Variants in TSPAN10 observed in about 807,000 individuals in gnomAD.
TSPAN10 encodes tetraspanin-10.
In TSPAN10, 11 loss-of-function variants were observed where a neutral mutation model predicts 15.0. The observed-to-expected ratio is 0.73, with a 90% CI of 0.46 to 1.21. The LOEUF is 1.21. Ranked by LOEUF, TSPAN10 falls within the 50% of genes most tolerant of loss-of-function variation. The probability of loss-of-function intolerance (pLI) is 0.00; values close to 1 mark genes in which losing one functional copy is unlikely to be tolerated. For synonymous variants in TSPAN10, 241 were observed against 226.2 expected (o/e 1.07, Z -0.59); for missense variants, 486 against 470.6 (o/e 1.03, Z -0.30).
chr17:81,641,080 G>T (rs1298713040), upstream of TSPAN10, among the ~76,000 whole-genome samples: 2 of 151,356 alleles, frequency 1.3e-5, no homozygotes, highest in Admixed American at 1.3e-4. Context: ...CAGGAGCATC[G>T]CTTGAACCCA....
chr17:81,637,233 G>C, exon 1 of TSPAN10: 1 of 491,352 alleles, frequency 2.0e-6, no homozygotes, highest in East Asian at 3.3e-5. Flanking sequence ...GGGGATTTTG[G>C]AAAGTTGCGT....
Position 81,648,181 on chromosome 17 carries a change from C to T in TSPAN10, c.955C>T (p.Leu319Phe), listed in dbSNP as rs1207278171. 4.9e-6 allele frequency: 7 copies of T among 1,425,130 alleles called. No homozygotes were observed. In the South Asian group the frequency reaches 9.0e-5, roughly 18 times the overall value. 88.3% of individuals were successfully genotyped at this position (1,425,130 alleles called of 1,614,324 possible). A position where few individuals can be genotyped will look rare whatever the true frequency, so the allele number is the denominator to read the frequency against. Residue 319 changes from leucine (L) to phenylalanine (F), a missense_variant, in exon 3 of 3, where the codon CTC becomes TTC. Leu to Phe is a conservative substitution (Grantham distance 22, BLOSUM62 0). Transcript: ENST00000611590. ...GCTGGCCGCCCGGCTACTCGGGGCC[C>T]TCGCTGCCCGCAGGGGGGCGGCGTA...
upstream of TSPAN10, chr17:81,638,124 A>G (rs980728741): frequency 7.9e-5 from 12 of 152,078 alleles, no homozygotes; most frequent in African/African-American, 2.9e-4. Context: ...TCAGGGTGCC[A>G]CTGTAACTAC....
intron 2 of TSPAN10, chr17:81,645,830 T>C: frequency 1.4e-6 from 1 of 691,174 alleles, no homozygotes; most frequent in Non-Finnish European, 2.5e-6. Flanking sequence ...GACACACACC[T>C]ACACACTCCT....
upstream of TSPAN10, among the ~76,000 whole-genome samples, chr17:81,642,009 G>A (rs1010834605): frequency 6.6e-6 from 1 of 152,140 alleles, no homozygotes; most frequent in Non-Finnish European, 1.5e-5. Flanking sequence ...CAATTTACCA[G>A]GGTCTGATTC....
exon 2 of TSPAN10, chr17:81,645,219 C>A (rs765750575): frequency 6.5e-7 from 1 of 1,541,534 alleles, no homozygotes; most frequent in South Asian, 1.3e-5. Context: ...TCCCCTTCTC[C>A]CTGCTGGGGC....
At chr17:81,637,472 T>C, upstream of TSPAN10, 1 of 681,692 alleles carries the variant, frequency 1.5e-6, no homozygotes, top group Non-Finnish European at 2.7e-6. Flanking sequence ...TAAGTATTTT[T>C]TAAATTTAAC....
At chr17:81,642,659 T>A (rs2036190020) in intron 1 of TSPAN10, among the ~76,000 whole-genome samples, 1 of 152,146 alleles carries the variant, frequency 6.6e-6, no homozygotes, top group Non-Finnish European at 1.5e-5. Flanking sequence ...TGGCCTCTGG[T>A]CAAGGGATCT....
intron 2 of TSPAN10, 69 bp from the exon 4 acceptor site, chr17:81,647,832 C>T: frequency 2.0e-6 from 3 of 1,525,886 alleles, no homozygotes; most frequent in Non-Finnish European, 2.6e-6. Context: ...AGGCGACATT[C>T]GCCTCTGTGC....
chr17:81,637,222 A>C (rs2036111473), exon 1 of TSPAN10: 2 of 476,914 alleles, frequency 4.2e-6, no homozygotes, highest in Non-Finnish European at 3.8e-6. Flanking sequence ...CAACTGGAGG[A>C]GGGGATTTTG....
chr17:81,642,368 C>G (rs773723262), upstream of TSPAN10: 3 of 1,612,854 alleles, frequency 1.9e-6, no homozygotes, highest in Non-Finnish European at 2.5e-6. Context: ...GCCAGCGAAC[C>G]TCTCCCGGCG....
chr17:81,638,877 G>T (rs1015585336), upstream of TSPAN10: 8 of 152,154 alleles, frequency 5.3e-5, no homozygotes, highest in African/African-American at 1.7e-4. Context: ...GAATCTTGTA[G>T]CCTCCAGCTA....
At chr17:81,647,861 G>A (rs746404432) in intron 2 of TSPAN10, 40 bp from the exon 4 acceptor site, 5 of 1,573,770 alleles carry the variant, frequency 3.2e-6, no homozygotes, top group Non-Finnish European at 4.3e-6. Flanking sequence ...AGAAGAGCGG[G>A]CCCTCCCCGC....
upstream of TSPAN10, chr17:81,638,628 T>C (rs891847167): frequency 1.3e-5 from 2 of 152,098 alleles, no homozygotes; most frequent in Non-Finnish European, 2.9e-5. Context: ...GATAATTTGG[T>C]GGGTATGGGG....
chr17:81,645,579 C>G (rs769123766), exon 2 of TSPAN10: 15 of 1,612,512 alleles, frequency 9.3e-6, no homozygotes, highest in Middle Eastern at 1.6e-4. Flanking sequence ...AAGTCCAGCT[C>G]GGGCTGAGGT....
At chr17:81,642,323 A>C, upstream of TSPAN10, 1 of 1,501,798 alleles carries the variant, frequency 6.7e-7, no homozygotes, top group Non-Finnish European at 9.3e-7. Context: ...CCAGGGCCGC[A>C]GTCAGGACCA....
chr17:81,643,066 A>G (rs1379368930), intron 1 of TSPAN10, among the ~76,000 whole-genome samples: 1 of 150,006 alleles, frequency 6.7e-6, no homozygotes, highest in Non-Finnish European at 1.5e-5. Flanking sequence ...GTGCAGTGGC[A>G]CAACCTCGGC....
At chr17:81,637,882 T>C (rs12325802), upstream of TSPAN10, 75,688 of 150,130 alleles carry the variant, frequency 0.5, 20,935 homozygotes, top group East Asian at 0.99. Flanking sequence ...TAGAATGAAC[T>C]GAGTTGGTGC....
chr17:81,643,073 C>G (rs994476577), intron 1 of TSPAN10, among the ~76,000 whole-genome samples: 1 of 150,188 alleles, frequency 6.7e-6, no homozygotes, highest in South Asian at 2.1e-4. Flanking sequence ...GGCACAACCT[C>G]GGCTCACTGC....
Sources: allele counts gnomAD v4.1 joint callset (sites outside exome capture counted in the v4.1 genomes callset), GRCh38; gene constraint gnomAD v4.1.1; transcripts MANE v1.5; gene names NCBI Gene and HGNC (gene_info 2026-07-23, HGNC 2026-07-21).